LTBP1: variants seen among roughly 807,000 people sequenced by gnomAD.
The protein encoded by LTBP1 is latent-transforming growth factor beta-binding protein 1.
A neutral mutation model predicts 207.6 loss-of-function variants in LTBP1; 129 were observed. The ratio of observed to expected loss-of-function variants is 0.62; its 90% CI spans 0.54 to 0.72. LTBP1 has a LOEUF of 0.72. Ranked by LOEUF, LTBP1 falls within the 30% of genes least tolerant of loss-of-function variation. LTBP1 has a pLI of 0.00. For missense variants in LTBP1, 2,281 were observed against 2,217.2 expected, an observed-to-expected ratio of 1.03 and a Z score of -0.58; for synonymous variants, 963 against 833.7, an observed-to-expected ratio of 1.16 and a Z score of -2.67.
chr2:33,091,491 A>C (rs532367616), intron 3 of LTBP1, among the ~76,000 whole-genome samples: 19 of 152,272 alleles, frequency 1.2e-4, no homozygotes, highest in African/African-American at 4.3e-4. Context: ...AGGCGGTCCA[A>C]GGTCAACATC....
chr2:33,376,984 C>T (rs1337433669), intron 31 of LTBP1, among the ~76,000 whole-genome samples: 1 of 151,942 alleles, frequency 6.6e-6, no homozygotes, highest in Non-Finnish European at 1.5e-5. Context: ...TGGGCAGGTG[C>T]ATTGGAAGGA....
intron 19 of LTBP1, chr2:33,285,708 A>G (rs2093653576): frequency 6.6e-6 from 1 of 151,880 alleles, no homozygotes; most frequent in Admixed American, 6.6e-5. Context: ...CAGACTCCCA[A>G]AGTGCTGGGA....
At chr2:33,007,611 G>T (rs1384149078) in intron 2 of LTBP1, among the ~76,000 whole-genome samples, 1 of 152,186 alleles carries the variant, frequency 6.6e-6, no homozygotes, top group Non-Finnish European at 1.5e-5. Flanking sequence ...GTAGCATATT[G>T]TGCTTGACTC....
rs1366907892 is a variant in LTBP1, at chr2:32,947,635, C to G, written c.311C>G (p.Pro104Arg). 1.5e-6 allele frequency: 2 copies of G among 1,346,934 alleles called. No homozygotes were observed. Among genetic ancestry groups the G allele is most frequent in the African/African-American group, 1.5e-5 (1 of 64,658 alleles). The allele number at this position is 1,346,934 out of a possible 1,614,324, so 83.4% of individuals were successfully genotyped here. Residue 104 changes from proline to arginine, a missense_variant, in exon 1 of 34, where the codon CCG becomes CGG. Transcript: ENST00000404816. The part of the protein sequence containing the change: ...ALQGLRPPPP[P>R]PPEPARPAVP... ...CAGGGGCTCAGACCGCCGCCGCCGCCGCCGCCGGAGCCTGCGCGTCCCGCG... is the reference window on the plus strand; with the variant it reads ...CAGGGGCTCAGACCGCCGCCGCCGCGGCCGCCGGAGCCTGCGCGTCCCGCG...
chr2:32,996,987 C>T (rs1382185074), intron 2 of LTBP1, among the ~76,000 whole-genome samples: 4 of 152,046 alleles, frequency 2.6e-5, no homozygotes, highest in Admixed American at 6.6e-5. Flanking sequence ...TGGGTCCAAG[C>T]GATTCTCATG....
chr2:33,060,776 G>C (rs1015218714), intron 3 of LTBP1, among the ~76,000 whole-genome samples: 6 of 152,030 alleles, frequency 3.9e-5, no homozygotes, highest in Admixed American at 3.9e-4. Context: ...GAGGGGATCA[G>C]AAGGGCCACT....
At chr2:33,102,725 G>A (rs376631334) in intron 3 of LTBP1, among the ~76,000 whole-genome samples, 2 of 152,068 alleles carry the variant, frequency 1.3e-5, no homozygotes, top group East Asian at 1.9e-4. Context: ...TTCTTTACTG[G>A]CAGTCTGTAT....
At chr2:33,066,038 T>C (rs1221979047) in intron 3 of LTBP1, among the ~76,000 whole-genome samples, 1 of 152,208 alleles carries the variant, frequency 6.6e-6, no homozygotes, top group African/African-American at 2.4e-5. Flanking sequence ...TATTAGATCA[T>C]GTATCTTTTT....
intron 25 of LTBP1, among the ~76,000 whole-genome samples, chr2:33,346,458 C>T (rs1437405759): frequency 4.6e-5 from 7 of 151,878 alleles, no homozygotes; most frequent in Admixed American, 6.6e-5. Context: ...CCGAGGCAGG[C>T]GGATCACTTG....
chr2:33,287,555 A>G (rs1015295374), intron 19 of LTBP1, among the ~76,000 whole-genome samples: 1 of 152,242 alleles, frequency 6.6e-6, no homozygotes, highest in Non-Finnish European at 1.5e-5. Flanking sequence ...AGTCTGCACC[A>G]TATGTAGTGG....
At chr2:33,211,915 T>C (rs2090342144) in intron 7 of LTBP1, among the ~76,000 whole-genome samples, 1 of 152,158 alleles carries the variant, frequency 6.6e-6, no homozygotes, top group Non-Finnish European at 1.5e-5. Context: ...CAGCCCAACT[T>C]TGAATATCAG....
chr2:33,159,521 A>G (rs549682077), intron 5 of LTBP1, among the ~76,000 whole-genome samples: 1 of 152,340 alleles, frequency 6.6e-6, no homozygotes, highest in East Asian at 1.9e-4. Context: ...TCTTAAAATA[A>G]TACTTTCAAA....
At chr2:33,280,460 G>A (rs1299933024) in intron 19 of LTBP1, among the ~76,000 whole-genome samples, 1 of 152,036 alleles carries the variant, frequency 6.6e-6, no homozygotes, top group Non-Finnish European at 1.5e-5. Context: ...GAGATGGAGA[G>A]CAAAACACTT....
At chr2:33,353,734 A>C (rs1360457647) in intron 26 of LTBP1, among the ~76,000 whole-genome samples, 1 of 152,218 alleles carries the variant, frequency 6.6e-6, no homozygotes, top group African/African-American at 2.4e-5. Context: ...AAAAGAAAAA[A>C]AGAACATCTC....
intron 3 of LTBP1, among the ~76,000 whole-genome samples, chr2:33,056,911 A>T (rs1418852462): frequency 6.6e-6 from 1 of 152,228 alleles, no homozygotes; most frequent in Admixed American, 6.5e-5. Context: ...TCCATTTTAC[A>T]GAGAGCCAGT....
intron 1 of LTBP1, 79 bp downstream of exon 1, chr2:32,947,897 T>C: frequency 1.7e-6 from 2 of 1,199,246 alleles, no homozygotes; most frequent in Non-Finnish European, 2.1e-6. Flanking sequence ...TCAGGGCCAC[T>C]CGGAGCCCCG....
chr2:33,087,533 T>G (rs537750221), intron 3 of LTBP1, among the ~76,000 whole-genome samples: 1 of 152,332 alleles, frequency 6.6e-6, no homozygotes, highest in African/African-American at 2.4e-5. Context: ...GAATTTATTG[T>G]GTAACAGAGA....
At chr2:32,954,545 C>T (rs1012072407) in intron 2 of LTBP1, among the ~76,000 whole-genome samples, 1 of 105,228 alleles carries the variant, frequency 9.5e-6, no homozygotes, top group Non-Finnish European at 2.1e-5. Context: ...GCCTCCACTC[C>T]CCGCCCCCCC....
In LTBP1 at chr2:33,347,474, C is replaced by A. The variant is rs1242269147; in HGVS notation, c.3964C>A (p.Pro1322Thr). ...TGCTGATGAAAACCAAGAGTACAGCCCCATGACTGGGCAGTGCCGCTCCCG... is the reference window on the plus strand; with the variant it reads ...TGCTGATGAAAACCAAGAGTACAGCACCATGACTGGGCAGTGCCGCTCCCG... ...VCADENQEYSPMTGQCRSRTS... is the reference protein window; with the variant it reads ...VCADENQEYSTMTGQCRSRTS... Residue 1322 changes from proline (P) to threonine (T), a missense_variant, in exon 26 of 34, where the codon CCC becomes ACC. Physicochemically the swap from Pro to Thr is conservative, Grantham distance 38 (BLOSUM62 -1). This residue lies in a region of LTBP1 where 1,671 missense variants were observed against 1,634.8 expected (regional missense o/e 1.02). Coordinates refer to ENST00000404816, the MANE Select transcript of LTBP1 (RefSeq NM_206943.4). 4 of 1,614,118 alleles carry A rather than the reference C, an allele frequency of 2.5e-6. No homozygotes were observed. Among genetic ancestry groups the A allele is most frequent in the Non-Finnish European group, 3.4e-6 (4 of 1,180,030 alleles).
Sources: allele counts gnomAD v4.1 joint callset (sites outside exome capture counted in the v4.1 genomes callset), GRCh38; gene constraint gnomAD v4.1.1; regional missense constraint gnomAD v4.1.1; transcripts MANE v1.5; gene names NCBI Gene and HGNC (gene_info 2026-07-23, HGNC 2026-07-21).